The following SLC5A2 variants were observed in gnomAD, a reference collection of about 807,000 sequenced individuals.
SLC5A2 encodes sodium/glucose cotransporter 2.
In SLC5A2, 67 loss-of-function variants were observed where a neutral mutation model predicts 69.0. The observed-to-expected ratio is 0.97, with a 90% CI of 0.80 to 1.19. The LOEUF (loss-of-function observed/expected upper bound fraction) is 1.19, where lower values mean the gene tolerates loss of function less well. Among genes scored for constraint, SLC5A2 ranks in the 50% most tolerant of loss-of-function variants. The pLI is 0.00. For missense variants in SLC5A2, 1,001 were observed against 921.5 expected, an observed-to-expected ratio of 1.09 and a Z score of -1.12; for synonymous variants, 455 against 395.8, an observed-to-expected ratio of 1.15 and a Z score of -1.78.
chr16:31,486,990 G>A (rs1280324243), intron 5 of SLC5A2, among the ~76,000 whole-genome samples: 2 of 152,144 alleles, frequency 1.3e-5, no homozygotes, highest in Non-Finnish European at 2.9e-5. Flanking sequence ...AAGTTGCAGT[G>A]AGCTGAGATC....
chr16:31,485,135 T>C (rs1366983315), intron 3 of SLC5A2: 2 of 650,048 alleles, frequency 3.1e-6, no homozygotes, highest in African/African-American at 1.8e-5. Context: ...TGACTTGCCA[T>C]GTGAGCCAGC....
In SLC5A2 at chr16:31,488,781, T is replaced by G; in HGVS notation, c.1280+9T>G. 6.2e-7 allele frequency: 1 copy of G among 1,600,534 alleles called. No homozygotes were observed. The highest frequency in any genetic ancestry group is 8.5e-7 in the Non-Finnish European group (1 of 1,177,616). On this transcript the variant is annotated intron_variant, in intron 10 of 13. Coordinates refer to ENST00000330498, the MANE Select transcript of SLC5A2 (RefSeq NM_003041.4). ...CTGCTGCTGGTGGGACGGTGCGGCCTGGGCTCCCCTCCTCCCCAACGGATC... is the reference window on the plus strand; with the variant it reads ...CTGCTGCTGGTGGGACGGTGCGGCCGGGGCTCCCCTCCTCCCCAACGGATC...
Position 31,484,873 on chromosome 16 carries a change from G to A in SLC5A2, c.253G>A (p.Ala85Thr). 6.2e-7 allele frequency: 1 copy of A among 1,614,092 alleles called. No individual in the cohort carries two copies. Among genetic ancestry groups the A allele is most frequent in the Non-Finnish European group, 8.5e-7 (1 of 1,180,046 alleles). ...NIGSGHFVGL[A>T]GTGAASGLAV... ...CGGCAGTGGCCACTTTGTGGGCCTG[G>A]CAGGGACTGGCGCTGCAAGTGGCTT... Residue 85 changes from alanine (A) to threonine (T), a missense_variant, in exon 3 of 14, where the codon GCA (alanine) becomes ACA (threonine). Transcript: ENST00000330498.
rs1268584464 is a variant in SLC5A2 at position 31,489,271 on chromosome 16, T to C, written c.1598T>C (p.Leu533Pro). Residue 533 changes from leucine (L) to proline (P), a missense_variant, in exon 12 of 14, where the codon CTG (leucine) becomes CCG (proline). Coordinates refer to ENST00000330498, the MANE Select transcript of SLC5A2 (RefSeq NM_003041.4). Reference protein sequence around the residue: ...GVHYLYFAIVLFFCSGLLTLT... With the variant: ...GVHYLYFAIVPFFCSGLLTLT... ...CACTACCTCTACTTCGCCATTGTGC[T>C]GTTCTTCTGCTCTGGCCTCCTCACC... 6.2e-7 allele frequency: 1 copy of C among 1,611,038 alleles called. No homozygotes were observed. Among genetic ancestry groups the C allele is most frequent in the Non-Finnish European group, 8.5e-7 (1 of 1,180,028 alleles).
chr16:31,486,581 G>C (rs139662283), intron 5 of SLC5A2, among the ~76,000 whole-genome samples: 1 of 152,300 alleles, frequency 6.6e-6, no homozygotes, highest in Non-Finnish European at 1.5e-5. Flanking sequence ...GAGTCTCCAA[G>C]ATCTCTGGCA....
intron 5 of SLC5A2, 53 bp from the exon 6 acceptor site, chr16:31,487,267 G>A: frequency 6.4e-7 from 1 of 1,564,550 alleles, no homozygotes; most frequent in Non-Finnish European, 8.8e-7. Context: ...TATTGCTAAG[G>A]CCAGCCTGTA....
rs2082480321 is a variant in SLC5A2, at chr16:31,484,606, G to A, written c.127-67G>A. 9 of 1,503,102 alleles carry A rather than the reference G, an allele frequency of 6.0e-6. No homozygotes were observed. The Middle Eastern group carries it at 1.2e-3, about 202-fold the overall frequency. 93.1% of individuals were successfully genotyped at this position (1,503,102 alleles called of 1,614,324 possible). A position where few individuals can be genotyped will look rare whatever the true frequency, so the allele number is the denominator to read the frequency against. On this transcript the variant is annotated intron_variant, in intron 1 of 13. Transcript: ENST00000330498. Reference sequence around the variant, plus strand: ...AGCCAGAAACAAGGCTGAGGAATGTGTTGAGGTGGCTGATGAGGTCCAAGG... The same window carrying A: ...AGCCAGAAACAAGGCTGAGGAATGTATTGAGGTGGCTGATGAGGTCCAAGG...
intron 12 of SLC5A2, chr16:31,489,830 C>T (rs1201467957): frequency 2.1e-6 from 1 of 485,988 alleles, no homozygotes; most frequent in Non-Finnish European, 3.8e-6. Context: ...GCCAGTGTCA[C>T]AAGCGCTACC....
rs768164745 is a variant in SLC5A2, at chr16:31,490,203, T to G, written c.1765T>G (p.Cys589Gly). 1 of 1,614,118 alleles carries G rather than the reference T, an allele frequency of 6.2e-7. No individual in the cohort carries two copies. The highest frequency in any genetic ancestry group is 1.3e-5 in the African/African-American group (1 of 75,036). ...CTCCTCACTCCCTGTACAGAATGGG[T>G]GCCCAGAGAGTGCCATGGAGATGAA... is the stretch of plus-strand genomic sequence containing the variant. Reference protein sequence around the residue: ...QGSSLPVQNGCPESAMEMNEP... With the variant: ...QGSSLPVQNGGPESAMEMNEP... Residue 589 changes from cysteine (C) to glycine (G), a missense_variant, in exon 13 of 14, where the codon TGC (cysteine) becomes GGC (glycine). Transcript: ENST00000330498.
rs745592398 is a variant in SLC5A2 at position 31,490,418 on chromosome 16, G to GGCAGCA, written c.1905_1910dup (p.Ala636_Ala637dup). 8.1e-6 allele frequency: 13 copies of GGCAGCA among 1,613,636 alleles called. No homozygotes were observed. The South Asian group carries it at 1.4e-4, about 18-fold the overall frequency. On this transcript the variant is annotated inframe_insertion, in exon 14 of 14. Coordinates refer to ENST00000330498, the MANE Select transcript of SLC5A2 (RefSeq NM_003041.4). ...CGCCCCTTACCCAGGAGGAGGCAGC[G>GGCAGCA]GCAGCAGCCAGGCGGCTGGAGGACA...
intron 12 of SLC5A2, 116 bp from the exon 13 acceptor site, chr16:31,489,988 T>C (rs1350196036): frequency 4.3e-6 from 6 of 1,388,056 alleles, no homozygotes; most frequent in South Asian, 2.4e-5. Context: ...GGGCTGGGTG[T>C]GTAGACTGGA....
intron 5 of SLC5A2, among the ~76,000 whole-genome samples, chr16:31,486,773 G>A (rs532708766): frequency 1.1e-4 from 17 of 152,334 alleles, no homozygotes; most frequent in East Asian, 9.6e-4. Context: ...GGGCCGGCTG[G>A]GAGCGGCTCA....
At chr16:31,484,394 C>G (rs2082478717) in intron 1 of SLC5A2, among the ~76,000 whole-genome samples, 1 of 149,660 alleles carries the variant, frequency 6.7e-6, no homozygotes, top group Non-Finnish European at 1.5e-5. Context: ...GCACTCCAGC[C>G]TGGGCAACAA....
rs771354955 is a variant in SLC5A2, at chr16:31,488,538, T to G, written c.1129+48T>G. On this transcript the variant is annotated intron_variant, in intron 9 of 13. Transcript: ENST00000330498. ...GGCGCAAGCTCGCTGCGGAGCCCGC[T>G]GCTGGGAGGGGTCGTCCCTCGCGCA... 5.0e-6 allele frequency: 8 copies of G among 1,601,658 alleles called. No individual in the cohort carries two copies. In the Admixed American group the frequency reaches 1.4e-4, roughly 28 times the overall value.
At chr16:31,489,535 T>C (rs2082540656) in intron 12 of SLC5A2, 197 bp downstream of exon 12, 1 of 626,560 alleles carries the variant, frequency 1.6e-6, no homozygotes, top group African/African-American at 1.8e-5. Flanking sequence ...GGAGGCTTGA[T>C]GTTGATGGGT....
Position 31,488,421 on chromosome 16 carries a change from G to C in SLC5A2, c.1060G>C (p.Val354Leu), listed in dbSNP as rs1567390177. 2 of 1,611,776 alleles carry C rather than the reference G, an allele frequency of 1.2e-6. No individual in the cohort carries two copies. The highest frequency in any genetic ancestry group is 2.2e-5 in the East Asian group (1 of 44,842). ...CGTGGTGCCTGAGGTGTGCAGGCGC[G>C]TGTGCGGCACGGAGGTGGGCTGCTC... Reference protein sequence around the residue: ...ACVVPEVCRRVCGTEVGCSNI... With the variant: ...ACVVPEVCRRLCGTEVGCSNI... The change falls in exon 9 of 14, where the codon GTG (valine) becomes CTG (leucine). Residue 354 changes from valine (V) to leucine (L), a missense_variant. Val to Leu is a conservative substitution (Grantham distance 32, BLOSUM62 1). Transcript: ENST00000330498.
At chr16:31,485,032 C>A in intron 3 of SLC5A2, 109 bp downstream of exon 3, 2 of 1,011,924 alleles carry the variant, frequency 2.0e-6, no homozygotes, top group Non-Finnish European at 3.0e-6. Context: ...GTGGGACTTC[C>A]CAACTGCGGG....
At chr16:31,488,590 G>C (rs750193089) in intron 9 of SLC5A2, 32 bp from the exon 10 acceptor site, 2 of 1,609,774 alleles carry the variant, frequency 1.2e-6, no homozygotes, top group Admixed American at 1.7e-5. Context: ...ACCCCCAGTG[G>C]CCCCAGCCTC....
chr16:31,489,458 T>C, intron 12 of SLC5A2, 120 bp downstream of exon 12: 1 of 879,382 alleles, frequency 1.1e-6, no homozygotes, highest in East Asian at 2.7e-5. Context: ...GGGCTGGGGG[T>C]CCAGCTGCAG....
Sources: gnomAD v4.1 joint callset for allele counts (sites outside exome capture counted in the v4.1 genomes callset) on GRCh38, gnomAD v4.1.1 for gene constraint, MANE v1.5 for transcripts, NCBI Gene and HGNC (gene_info 2026-07-23, HGNC 2026-07-21) for gene names.